The following HSPA4 variants were observed in gnomAD, a reference collection of about 807,000 sequenced individuals.
HSPA4 encodes heat shock 70 kDa protein 4.
In HSPA4, 25 loss-of-function variants were observed where a neutral mutation model predicts 106.2. That is an observed-to-expected ratio of 0.24 (90% confidence interval 0.17 to 0.33). The LOEUF (loss-of-function observed/expected upper bound fraction) is 0.33. Ranked by LOEUF, HSPA4 falls within the 10% of genes least tolerant of loss-of-function variation. The pLI is 1.00. For missense variants in HSPA4, 841 were observed against 996.0 expected, an observed-to-expected ratio of 0.84 and a Z score of 2.10; for synonymous variants, 332 against 333.6, an observed-to-expected ratio of 1.00 and a Z score of 0.05.
chr5:133,053,328 C>CTTTTTTTTTTTTTTTTTTTTTTTTTTTTT (rs58722769), intron 1 of HSPA4, among the ~76,000 whole-genome samples: 1 of 129,244 alleles, frequency 7.7e-6, no homozygotes, highest in Non-Finnish European at 1.6e-5. Context: ...GGTCTCTCTT[C>CTTTTTTTTTTTTTTTTTTTTTTTTTTTTT]TTTTTTTTTT....
At chr5:133,101,001 C>G (rs1460713641) in intron 16 of HSPA4, among the ~76,000 whole-genome samples, 2 of 151,946 alleles carry the variant, frequency 1.3e-5, no homozygotes, top group Non-Finnish European at 2.9e-5. Flanking sequence ...GAAAGGGTCT[C>G]CCTGTGTTGC....
intron 15 of HSPA4, among the ~76,000 whole-genome samples, chr5:133,098,976 C>G (rs562160629): frequency 6.6e-6 from 1 of 152,090 alleles, no homozygotes; most frequent in South Asian, 2.1e-4. Context: ...GATGCACTTG[C>G]TTTTACATGC....
chr5:133,082,345 A>G (rs1765522707), intron 7 of HSPA4, among the ~76,000 whole-genome samples: 1 of 152,236 alleles, frequency 6.6e-6, no homozygotes, highest in Admixed American at 6.5e-5. Context: ...GATTGTGGCG[A>G]TGCTTGCACA....
chr5:133,053,939 C>CG (rs1385941317), intron 1 of HSPA4, among the ~76,000 whole-genome samples: 5 of 151,532 alleles, frequency 3.3e-5, no homozygotes, highest in Admixed American at 3.3e-4. Flanking sequence ...GGATTACAGG[C>CG]GTGAGTCACG....
rs769367849 is a variant in HSPA4, at chr5:133,097,238, A to T, written c.1881A>T (p.Glu627Asp). 56 of 1,613,188 alleles carry T rather than the reference A, an allele frequency of 3.5e-5. No homozygotes were observed. In the South Asian group the frequency reaches 5.7e-4, roughly 16 times the overall value. The change falls in exon 15 of 19, where the codon GAA (glutamate) becomes GAT (aspartate). Residue 627 changes from glutamate (E) to aspartate (D), a missense_variant. By Grantham distance (45) the Glu-to-Asp change is conservative. Coordinates refer to ENST00000304858, the MANE Select transcript of HSPA4 (RefSeq NM_002154.4). ...AKNAVEEYVY[E>D]MRDKLSGEYE... The stretch of plus-strand genomic sequence containing the variant: ...ACGCAGTGGAGGAATATGTGTATGA[A>T]ATGAGAGACAAGCTTAGTGGTGAAT...
intron 3 of HSPA4, among the ~76,000 whole-genome samples, chr5:133,068,032 A>G (rs1012011945): frequency 1.3e-5 from 2 of 151,402 alleles, no homozygotes; most frequent in African/African-American, 4.9e-5. Context: ...AGCTGGGATT[A>G]CAGGCACGTG....
At chr5:133,083,752 G>A (rs1474189044) in intron 7 of HSPA4, among the ~76,000 whole-genome samples, 1 of 152,050 alleles carries the variant, frequency 6.6e-6, no homozygotes, top group Admixed American at 6.6e-5. Context: ...GGTCAGGCTG[G>A]TCTTGAACTC....
intron 15 of HSPA4, among the ~76,000 whole-genome samples, chr5:133,099,190 C>T (rs535288897): frequency 6.6e-6 from 1 of 152,118 alleles, no homozygotes; most frequent in South Asian, 2.1e-4. Context: ...AGTGCAGTGG[C>T]CCCATCTTGG....
chr5:133,089,012 G>T, intron 9 of HSPA4, 43 bp from the exon 10 acceptor site: 1 of 1,046,320 alleles, frequency 9.6e-7, no homozygotes, highest in Non-Finnish European at 1.4e-6. Flanking sequence ...AGTTTATATT[G>T]TCTATACTTG....
intron 1 of HSPA4, among the ~76,000 whole-genome samples, chr5:133,055,167 T>C (rs1581461795): frequency 6.6e-6 from 1 of 152,350 alleles, no homozygotes; most frequent in East Asian, 1.9e-4. Context: ...ATGTTTTCTT[T>C]ATATTTTCCT....
intron 11 of HSPA4, chr5:133,090,951 G>C: frequency 1.9e-6 from 1 of 528,544 alleles, no homozygotes; most frequent in Non-Finnish European, 3.5e-6. Context: ...TGGAAGAAAG[G>C]AAAGAATCGG....
rs1363924990 is a variant in HSPA4, at chr5:133,089,577, T to C, written c.1260T>C (p.Phe420=). 6.2e-7 allele frequency: 1 copy of C among 1,613,322 alleles called. No homozygotes were observed. Among genetic ancestry groups the C allele is most frequent in the East Asian group, 2.2e-5 (1 of 44,888 alleles). ...AEEGSSDCEV[F]SKNHAAPFSK... ...CTCCATTCAGTGACTGTGAAGTCTT[T>C]TCCAAAAATCATGCTGCTCCTTTCT... The change falls in exon 11 of 19, where the codon TTT becomes TTC. Residue 420 remains phenylalanine (F), a synonymous_variant. Coordinates refer to ENST00000304858, the MANE Select transcript of HSPA4 (RefSeq NM_002154.4).
chr5:133,072,579 G>C (rs886451088), intron 4 of HSPA4, among the ~76,000 whole-genome samples: 2 of 110,326 alleles, frequency 1.8e-5, no homozygotes, highest in Admixed American at 1.9e-4. Flanking sequence ...TTTTTTTTTT[G>C]TATTTTTTGT....
At chr5:133,064,872 C>T in intron 1 of HSPA4, 108 bp from the exon 2 acceptor site, 1 of 950,746 alleles carries the variant, frequency 1.1e-6, no homozygotes, top group South Asian at 1.4e-5. Context: ...TAGATTTGTA[C>T]CATTAAAATA....
At chr5:133,098,682 A>T (rs1765746027) in intron 15 of HSPA4, among the ~76,000 whole-genome samples, 1 of 145,160 alleles carries the variant, frequency 6.9e-6, no homozygotes, top group East Asian at 2.1e-4. Context: ...TTATTTTTTT[A>T]TTTTTTTGAG....
At chr5:133,063,987 C>T (rs1239053640) in intron 1 of HSPA4, among the ~76,000 whole-genome samples, 4 of 152,152 alleles carry the variant, frequency 2.6e-5, no homozygotes, top group Admixed American at 2.6e-4. Context: ...GTCTCGAACT[C>T]CTGACCTCAG....
At chr5:133,099,889 T>C (rs933325611) in intron 16 of HSPA4, among the ~76,000 whole-genome samples, 4 of 152,220 alleles carry the variant, frequency 2.6e-5, no homozygotes, top group Non-Finnish European at 5.9e-5. Context: ...ACTGGATGTT[T>C]AGTGCATTCT....
chr5:133,056,773 T>C (rs982474231), intron 1 of HSPA4, among the ~76,000 whole-genome samples: 4 of 152,236 alleles, frequency 2.6e-5, no homozygotes, highest in African/African-American at 9.6e-5. Context: ...TTCAGTAATA[T>C]TGCCAGAATT....
chr5:133,097,951 G>A lies in HSPA4; in HGVS notation c.1929+665G>A, dbSNP rs1454102112. ...TAATTTGAATAGCTCTTGGGTACAG[G>A]TGGTTTTTGGTTACATGGATGAATT... On this transcript the variant is annotated intron_variant, in intron 15 of 18. Transcript: ENST00000304858. 4.6e-5 allele frequency among the ~76,000 whole-genome samples: 7 copies of A among 151,220 alleles called. No homozygotes were observed. The South Asian group carries it at 1.3e-3, about 27-fold the overall frequency.
Sources: allele counts gnomAD v4.1 joint callset (sites outside exome capture counted in the v4.1 genomes callset), GRCh38; gene constraint gnomAD v4.1.1; transcripts MANE v1.5; gene names NCBI Gene and HGNC (gene_info 2026-07-23, HGNC 2026-07-21).